The following IKZF3 variants were observed in gnomAD, a reference collection of about 807,000 sequenced individuals.
The protein encoded by IKZF3 is zinc finger protein Aiolos.
IKZF3 carries 10 observed loss-of-function variants against 49.0 expected under a neutral mutation model. The observed-to-expected ratio is 0.20, with a 90% CI of 0.13 to 0.35. IKZF3 has a LOEUF of 0.35. IKZF3 is among the 10% of genes least tolerant of loss of function. The pLI is 1.00. For synonymous variants in IKZF3, 209 were observed against 228.2 expected (o/e 0.92, Z 0.76); for missense variants, 498 against 664.8 (o/e 0.75, Z 2.76).
chr17:39,791,340 T>C (rs2061016270), intron 5 of IKZF3, 76 bp downstream of exon 5: 1 of 1,478,240 alleles, frequency 6.8e-7, no homozygotes, highest in Non-Finnish European at 9.4e-7. Flanking sequence ...CCTTCCTACT[T>C]AACTCTTTCT....
chr17:39,802,259 A>G (rs1363728577), intron 3 of IKZF3, among the ~76,000 whole-genome samples: 3 of 149,164 alleles, frequency 2.0e-5, no homozygotes, highest in African/African-American at 7.4e-5. Context: ...GAGATGAAAT[A>G]CTGATATCTC....
At position 39,835,558 on chromosome 17, in the gene IKZF3, G is replaced by A. The variant is rs148137540; in HGVS notation, c.8-3407C>T. 5.0e-4 allele frequency: 218 copies of A among 434,034 alleles called. 1 individual carries two copies. Among genetic ancestry groups the A allele is most frequent in the African/African-American group, 3.8e-3 (188 of 49,144 alleles). 26.9% of individuals were successfully genotyped at this position (434,034 alleles called of 1,614,324 possible). A position where few individuals can be genotyped will look rare whatever the true frequency, so the allele number is the denominator to read the frequency against. ...GTCTGCAGCTCCTCATACTTGATCT[G>A]GTGCATGCTGTCAGCCTTGGCCTGG... is the stretch of plus-strand genomic sequence containing the variant. On this transcript the variant is annotated intron_variant, in intron 1 of 7. Coordinates refer to ENST00000346872, the MANE Select transcript of IKZF3 (RefSeq NM_012481.5).
chr17:39,772,650 G>C (rs778739331), intron 7 of IKZF3, among the ~76,000 whole-genome samples: 1 of 152,162 alleles, frequency 6.6e-6, no homozygotes, highest in African/African-American at 2.4e-5. Flanking sequence ...GGAAAGCTGA[G>C]CTGGAGACCA....
intron 1 of IKZF3, among the ~76,000 whole-genome samples, chr17:39,836,348 G>A (rs1290132963): frequency 2.0e-5 from 3 of 152,174 alleles, no homozygotes; most frequent in Non-Finnish European, 4.4e-5. Context: ...ACTCATGTTG[G>A]AGTGGCTGCT....
At chr17:39,841,928 C>T (rs1256425844) in intron 1 of IKZF3, among the ~76,000 whole-genome samples, 2 of 149,792 alleles carry the variant, frequency 1.3e-5, no homozygotes, top group Non-Finnish European at 3.0e-5. Context: ...TGCCTGTAGT[C>T]CTAGCTACTC....
At chr17:39,837,889 G>C (rs979220826) in intron 1 of IKZF3, among the ~76,000 whole-genome samples, 2 of 151,676 alleles carry the variant, frequency 1.3e-5, no homozygotes, top group African/African-American at 4.8e-5. Flanking sequence ...TAAACTGCCT[G>C]CCTCAGCCTC....
chr17:39,816,295 A>G (rs1191044251), intron 3 of IKZF3, among the ~76,000 whole-genome samples: 1 of 152,242 alleles, frequency 6.6e-6, no homozygotes, highest in Non-Finnish European at 1.5e-5. Context: ...AAATAATAGT[A>G]TTAGAATCCT....
At chr17:39,796,091 G>T (rs1371850984) in intron 3 of IKZF3, among the ~76,000 whole-genome samples, 2 of 151,982 alleles carry the variant, frequency 1.3e-5, no homozygotes, top group Admixed American at 6.5e-5. Context: ...GTATGAATGA[G>T]ATTCCTGAGA....
intron 2 of IKZF3, among the ~76,000 whole-genome samples, chr17:39,830,876 A>G (rs1303031697): frequency 6.6e-6 from 1 of 152,244 alleles, no homozygotes; most frequent in African/African-American, 2.4e-5. Context: ...CACGTTTCAC[A>G]AAACCCATCA....
chr17:39,836,877 G>C (rs1310500207), intron 1 of IKZF3, among the ~76,000 whole-genome samples: 1 of 152,110 alleles, frequency 6.6e-6, no homozygotes, highest in East Asian at 1.9e-4. Flanking sequence ...GTATTTTAAA[G>C]ATTAAAATGA....
rs1225803172 is a variant in IKZF3, at chr17:39,849,361, TA to T, written c.7+14758del. On this transcript the variant is annotated intron_variant, in intron 1 of 7. Coordinates refer to ENST00000346872, the MANE Select transcript of IKZF3 (RefSeq NM_012481.5). ...TCAGTATGAAAAAAGACAACCCAATTAAAAAAAAAAAATCCAGCCAGGCGTG... is the reference window on the plus strand; with the variant it reads ...TCAGTATGAAAAAAGACAACCCAATTAAAAAAAAAAATCCAGCCAGGCGTG... Among the ~76,000 whole-genome samples the T allele has an allele frequency of 5.8e-4, 62 of 106,310 alleles. 1 individual carries two copies. The highest frequency in any genetic ancestry group is 3.7e-3 in the East Asian group (14 of 3,818). The allele number at this position is 106,310 out of a possible 152,430, so 69.7% of individuals were successfully genotyped here.
chr17:39,803,770 C>T (rs1425220758), intron 3 of IKZF3, among the ~76,000 whole-genome samples: 1 of 152,100 alleles, frequency 6.6e-6, no homozygotes, highest in Non-Finnish European at 1.5e-5. Flanking sequence ...ACCTCGGCCT[C>T]CCAAAGTGCT....
At position 39,806,904 on chromosome 17, in the gene IKZF3, G is replaced by A. The variant is rs145217675; in HGVS notation, c.164-13971C>T. The stretch of plus-strand genomic sequence containing the variant: ...CAAGCTTCTCAGATGAAGTAAGCTG[G>A]AGAGCAAGGAGCTGAAGGCAGTGTC... On this transcript the variant is annotated intron_variant, in intron 3 of 7. Coordinates refer to ENST00000346872, the MANE Select transcript of IKZF3 (RefSeq NM_012481.5). Among the ~76,000 whole-genome samples the A allele has an allele frequency of 4.0e-4, 61 of 152,282 alleles. 3 individuals are homozygous for A. In the East Asian group the frequency reaches 0.01, roughly 25 times the overall value.
At chr17:39,860,050 A>G (rs1468139983) in intron 1 of IKZF3, among the ~76,000 whole-genome samples, 1 of 152,168 alleles carries the variant, frequency 6.6e-6, no homozygotes, top group Non-Finnish European at 1.5e-5. Context: ...TGACCAACAT[A>G]GTGAGACCCC....
Position 39,792,717 on chromosome 17 carries a change from C to A in IKZF3, c.380G>T (p.Cys127Phe). 6.2e-7 allele frequency: 1 copy of A among 1,614,184 alleles called. No homozygotes were observed. The highest frequency in any genetic ancestry group is 1.1e-5 in the South Asian group (1 of 91,086). ...KMNCDVCGLS[C>F]ISFNVLMVHK... ...AACCATTAAGACATTGAAGCTGATG[C>A]AGGATAATCCACACACATCGCAGTT... The change falls in exon 4 of 8, where the codon TGC (cysteine) becomes TTC (phenylalanine). Residue 127 changes from cysteine to phenylalanine, a missense_variant. This residue lies in a region of IKZF3 where 84 missense variants were observed against 168.6 expected (regional missense o/e 0.50). Coordinates refer to ENST00000346872, the MANE Select transcript of IKZF3 (RefSeq NM_012481.5).
intron 3 of IKZF3, among the ~76,000 whole-genome samples, chr17:39,806,892 T>G (rs1047804482): frequency 6.6e-6 from 1 of 152,166 alleles, no homozygotes; most frequent in African/African-American, 2.4e-5. Flanking sequence ...GCTTCTCAGA[T>G]GAAGTAAGCT....
chr17:39,834,457 T>C (rs530051973), intron 1 of IKZF3, among the ~76,000 whole-genome samples: 3 of 152,348 alleles, frequency 2.0e-5, no homozygotes, highest in Non-Finnish European at 4.4e-5. Context: ...TTGATTATAA[T>C]TCAGTTCTAA....
intron 1 of IKZF3, among the ~76,000 whole-genome samples, chr17:39,849,739 T>A (rs1401059865): frequency 6.6e-6 from 1 of 151,902 alleles, no homozygotes; most frequent in African/African-American, 2.4e-5. Context: ...AAATGGCCGA[T>A]AAACATAAGA....
chr17:39,829,146 T>A (rs927858231), intron 3 of IKZF3, among the ~76,000 whole-genome samples: 2 of 152,228 alleles, frequency 1.3e-5, no homozygotes, highest in South Asian at 2.1e-4. Context: ...TGGAAAATAG[T>A]CAAACATCAT....
Sources: allele counts gnomAD v4.1 joint callset (sites outside exome capture counted in the v4.1 genomes callset), GRCh38; gene constraint gnomAD v4.1.1; regional missense constraint gnomAD v4.1.1; transcripts MANE v1.5; gene names NCBI Gene and HGNC (gene_info 2026-07-23, HGNC 2026-07-21).